SLC22A2: variants seen among roughly 807,000 people sequenced by gnomAD.
SLC22A2 encodes the protein solute carrier family 22 member 2.
Under a neutral mutation model 60.5 loss-of-function variants are expected in SLC22A2, and 46 were observed. The ratio of observed to expected loss-of-function variants is 0.76; its 90% CI spans 0.60 to 0.97. The LOEUF (loss-of-function observed/expected upper bound fraction) is 0.97, where lower values mean the gene tolerates loss of function less well. Among genes scored for constraint, SLC22A2 ranks in the 50% least tolerant of loss-of-function variants. The pLI is 0.00. For synonymous variants in SLC22A2, 303 were observed against 267.0 expected (o/e 1.13, Z -1.31); for missense variants, 701 against 706.6 (o/e 0.99, Z 0.09).
In SLC22A2 at chr6:160,258,443, G is replaced by T; in HGVS notation, c.315C>A (p.Asp105Glu). The T allele has an allele frequency of 6.2e-7, 1 of 1,614,134 alleles. No individual in the cohort carries two copies. Among genetic ancestry groups the T allele is most frequent in the Non-Finnish European group, 8.5e-7 (1 of 1,180,016 alleles). Residue 105 changes from aspartate to glutamate, a missense_variant, in exon 1 of 11, where the codon GAC becomes GAA. By Grantham distance (45) the Asp-to-Glu change is conservative (BLOSUM62 2). Coordinates refer to ENST00000366953, the MANE Select transcript of SLC22A2 (RefSeq NM_003058.4). ...TGTTGGTGTCCAGGCTGGCCAGGGG[G>T]TCCACGCAGTCGAAGGTGCTCTGGT... ...DWNQSTFDCV[D>E]PLASLDTNRS... is the part of the protein sequence containing the mutation.
At chr6:160,250,848 C>T in intron 2 of SLC22A2, 146 bp from the exon 3 acceptor site, 1 of 753,880 alleles carries the variant, frequency 1.3e-6, no homozygotes, top group Non-Finnish European at 2.1e-6. Flanking sequence ...CTGATAGCCA[C>T]AAAGGGAATC....
intron 1 of SLC22A2, among the ~76,000 whole-genome samples, chr6:160,257,436 CTGGGGAA>C (rs1783292253): frequency 6.6e-6 from 1 of 152,086 alleles, no homozygotes; most frequent in East Asian, 1.9e-4. Context: ...ACTGTGTGGC[CTGGGGAA>C]AAACCTTCTC....
chr6:160,232,271 T>C (rs1782837003), intron 9 of SLC22A2, among the ~76,000 whole-genome samples: 1 of 151,882 alleles, frequency 6.6e-6, no homozygotes, highest in South Asian at 2.1e-4. Context: ...CCTTCTTTCC[T>C]GTTCCTCACC....
chr6:160,240,961 G>A (rs1372519951), intron 9 of SLC22A2, among the ~76,000 whole-genome samples: 3 of 152,202 alleles, frequency 2.0e-5, no homozygotes, highest in Non-Finnish European at 4.4e-5. Flanking sequence ...CCATTATGCT[G>A]ATGCATTTTC....
intron 10 of SLC22A2, among the ~76,000 whole-genome samples, chr6:160,221,566 G>A (rs1385396489): frequency 6.6e-6 from 1 of 152,176 alleles, no homozygotes; most frequent in African/African-American, 2.4e-5. Flanking sequence ...TCCTCATTGA[G>A]CTTAATCATT....
At chr6:160,230,901 A>G (rs1782810534) in intron 9 of SLC22A2, among the ~76,000 whole-genome samples, 1 of 151,892 alleles carries the variant, frequency 6.6e-6, no homozygotes. Context: ...TAGGGCCCCT[A>G]AAGCTCTAGC....
At chr6:160,244,726 TG>T (rs1188816540) in intron 6 of SLC22A2, 2 of 152,212 alleles carry the variant, frequency 1.3e-5, no homozygotes, top group Non-Finnish European at 2.9e-5. Context: ...TTGTAAAGGT[TG>T]CTAAAGTAAT....
Position 160,250,614 on chromosome 6 carries a change from T to C in SLC22A2, c.607A>G (p.Met203Val). The C allele has an allele frequency of 6.2e-7, 1 of 1,613,970 alleles. No individual in the cohort carries two copies. Among genetic ancestry groups the C allele is most frequent in the Non-Finnish European group, 8.5e-7 (1 of 1,179,950 alleles). ...CCTTGGATTAAGCGAAAAATTAACA[T>C]CCACGTATAGGTTGGGGAAATGGCC... ...LMAISPTYTW[M>V]LIFRLIQGLV... is the part of the protein sequence containing the mutation. Residue 203 changes from methionine to valine, a missense_variant, in exon 3 of 11, where the codon ATG (methionine) becomes GTG (valine). Physicochemically the swap from Met to Val is conservative, Grantham distance 21. Coordinates refer to ENST00000366953, the MANE Select transcript of SLC22A2 (RefSeq NM_003058.4).
At chr6:160,241,062 T>C (rs1286304876) in intron 9 of SLC22A2, among the ~76,000 whole-genome samples, 2 of 148,356 alleles carry the variant, frequency 1.3e-5, no homozygotes, top group Non-Finnish European at 3.0e-5. Context: ...AAAGGGCTTG[T>C]GTTTTACCAC....
intron 10 of SLC22A2, among the ~76,000 whole-genome samples, chr6:160,223,960 G>C (rs1009344178): frequency 2.0e-5 from 3 of 152,080 alleles, no homozygotes; most frequent in Admixed American, 6.6e-5. Flanking sequence ...TCGATCTCCT[G>C]ACCTTGTGAT....
intron 9 of SLC22A2, among the ~76,000 whole-genome samples, chr6:160,225,300 CT>C (rs1782705806): frequency 6.6e-6 from 1 of 152,122 alleles, no homozygotes; most frequent in African/African-American, 2.4e-5. Flanking sequence ...CCCGTTATTC[CT>C]TTTTTTCTTT....
chr6:160,247,350 A>T (rs765847372), intron 4 of SLC22A2, 52 bp from the exon 5 acceptor site: 2 of 929,464 alleles, frequency 2.2e-6, no homozygotes, highest in Non-Finnish European at 3.5e-6. Context: ...TCCTTACCCC[A>T]TCCCCCATTT....
At chr6:160,250,795 G>C (rs1412394517) in intron 2 of SLC22A2, 93 bp from the exon 3 acceptor site, 12 of 1,308,878 alleles carry the variant, frequency 9.2e-6, no homozygotes, top group Non-Finnish European at 1.3e-5. Flanking sequence ...TCTAAACAAA[G>C]TTAGAGGTTA....
chr6:160,228,998 T>A (rs1047677109), intron 9 of SLC22A2, among the ~76,000 whole-genome samples: 2 of 151,902 alleles, frequency 1.3e-5, no homozygotes, highest in African/African-American at 4.9e-5. Context: ...ATAAACAGCC[T>A]CGTTGCTCAC....
Position 160,250,534 on chromosome 6 carries a change from A to G in SLC22A2, c.673+14T>C, listed in dbSNP as rs1158924856. ...TTGCTTTGTTCTCACAGTTGCAAGC[A>G]CAAACATTCTTACTCAGGATGTAGC... On this transcript the variant is annotated intron_variant, in intron 3 of 10. Transcript: ENST00000366953. 6.2e-7 allele frequency: 1 copy of G among 1,613,716 alleles called. No homozygotes were observed. The highest frequency in any genetic ancestry group is 1.7e-5 in the Admixed American group (1 of 59,992).
chr6:160,243,698 G>A lies in SLC22A2; in HGVS notation c.1153C>T (p.Leu385=). ...NIYLDFFYSA[L]VEFPAAFMII... The stretch of plus-strand genomic sequence containing the variant: ...ATGAAGGCAGCTGGGAATTCAACCA[G>A]GGCAGAGTAGAAGAAATCCAGGTAG... Residue 385 remains leucine, a synonymous_variant, in exon 7 of 11, where the codon CTG becomes TTG. Transcript: ENST00000366953. 1 of 1,613,970 alleles carries A rather than the reference G, an allele frequency of 6.2e-7. No homozygotes were observed. Among genetic ancestry groups the A allele is most frequent in the South Asian group, 1.1e-5 (1 of 91,074 alleles).
At chr6:160,221,582 C>T (rs1325890029) in intron 10 of SLC22A2, among the ~76,000 whole-genome samples, 1 of 152,170 alleles carries the variant, frequency 6.6e-6, no homozygotes, top group Admixed American at 6.6e-5. Context: ...TCATTTCTGC[C>T]TTTTGCTTTA....
intron 10 of SLC22A2, among the ~76,000 whole-genome samples, chr6:160,218,897 G>GC (rs1452727825): frequency 8.6e-3 from 13 of 1,514 alleles, no homozygotes; most frequent in African/African-American, 0.019. Context: ...AGCAACAACA[G>GC]AAGTCGCAGC....
In SLC22A2 at chr6:160,256,599, G is replaced by C; in HGVS notation, c.518+15C>G. The C allele has an allele frequency of 6.4e-7, 1 of 1,565,072 alleles. No homozygotes were observed. Among genetic ancestry groups the C allele is most frequent in the Non-Finnish European group, 8.8e-7 (1 of 1,135,506 alleles). On this transcript the variant is annotated intron_variant, in intron 2 of 10. Transcript: ENST00000366953. ...TTGGGATTGTTTAAATTCCACCACA[G>C]GTGATTCAACCTACCTGTCTGCTAT...
Sources: allele counts gnomAD v4.1 joint callset (sites outside exome capture counted in the v4.1 genomes callset), GRCh38; gene constraint gnomAD v4.1.1; transcripts MANE v1.5; gene names NCBI Gene and HGNC (gene_info 2026-07-23, HGNC 2026-07-21).